Variants in NKX6-1 observed in about 807,000 individuals in gnomAD.
NKX6-1 encodes homeobox protein Nkx-6.1.
In NKX6-1, 11 loss-of-function variants were observed where a neutral mutation model predicts 24.9. The ratio of observed to expected loss-of-function variants is 0.44; its 90% CI spans 0.28 to 0.73. NKX6-1 has a LOEUF of 0.73. NKX6-1 is among the 30% of genes least tolerant of loss of function. The probability of loss-of-function intolerance (pLI) is 0.15; values close to 1 mark genes in which losing one functional copy is unlikely to be tolerated. For missense variants in NKX6-1, 487 were observed against 502.9 expected (o/e 0.97, Z 0.30); for synonymous variants, 277 against 242.9 (o/e 1.14, Z -1.31).
rs1720840320 is a variant in NKX6-1 at position 84,497,337 on chromosome 4, TAGAG to T, written c.670+218_670+221del. On this transcript the variant is annotated intron_variant, in intron 1 of 2. Transcript: ENST00000295886. The surrounding 1 kb of genome is among the most constrained non-coding windows in gnomAD (Gnocchi z 4.8). ...GCTCAGCCCAGGCGTACTCAAGACTTAGAGAGAGGGAGGCGCTTGGATACAGCCA... is the reference window on the plus strand; with the variant it reads ...GCTCAGCCCAGGCGTACTCAAGACTTAGAGGGAGGCGCTTGGATACAGCCA... Among the ~76,000 whole-genome samples the T allele has an allele frequency of 6.6e-6, 1 of 151,974 alleles. No homozygotes were observed. Among genetic ancestry groups the T allele is most frequent in the African/African-American group, 2.4e-5 (1 of 41,448 alleles).
intron 2 of NKX6-1, among the ~76,000 whole-genome samples, chr4:84,494,259 T>C (rs1720779440): frequency 6.6e-6 from 1 of 151,786 alleles, no homozygotes; most frequent in African/African-American, 2.4e-5. Flanking sequence ...AAGTGAAGAC[T>C]AGAATTACCA....
rs752409073 is a variant in NKX6-1, at chr4:84,493,535, G to A, written c.858C>T (p.Asn286=). The A allele has an allele frequency of 6.8e-6, 11 of 1,614,076 alleles. No homozygotes were observed. The highest frequency in any genetic ancestry group is 8.5e-6 in the Non-Finnish European group (10 of 1,180,046). The change falls in exon 3 of 3, where the codon AAC becomes AAT. Residue 286 remains asparagine, a synonymous_variant. Coordinates refer to ENST00000295886, the MANE Select transcript of NKX6-1 (RefSeq NM_006168.3). This position sits in a 1 kb window ranked among gnomAD's most constrained non-coding sequence, Gnocchi z 5.1. ...GCTTCTTCCTCCACTTGGTCCGGCG[G>A]TTCTGGAACCAGACCTGAGGGCGGA... ...TESQVKVWFQ[N]RRTKWRKKHA... is the part of the protein sequence containing the mutation.
rs956618003 is a variant in NKX6-1, at chr4:84,497,269, C to A, written c.670+290G>T. Reference sequence around the variant, plus strand: ...CAGCCAGGGCCTCGGACGAGACACACGTCCCTCACCGCGTTGTGGTCCACA... The same window carrying A: ...CAGCCAGGGCCTCGGACGAGACACAAGTCCCTCACCGCGTTGTGGTCCACA... On this transcript the variant is annotated intron_variant, in intron 1 of 2. Coordinates refer to ENST00000295886, the MANE Select transcript of NKX6-1 (RefSeq NM_006168.3). The surrounding 1 kb of genome is among the most constrained non-coding windows in gnomAD (Gnocchi z 4.8). 6.6e-6 allele frequency among the ~76,000 whole-genome samples: 1 copy of A among 152,116 alleles called. No individual in the cohort carries two copies. The highest frequency in any genetic ancestry group is 1.5e-5 in the Non-Finnish European group (1 of 68,024).
At position 84,498,641 on chromosome 4, in the gene NKX6-1, C is replaced by T. The variant is rs1364984269; in HGVS notation, c.-413G>A. ...GGAGAGTTTGTAGCAAAGTTAGTTG[C>T]CGAATCTCCACTTTGAAGTTGGAGG... On this transcript the variant is annotated 5_prime_UTR_variant, in exon 1 of 3. Transcript: ENST00000295886. Among the ~76,000 whole-genome samples the T allele has an allele frequency of 6.6e-6, 1 of 152,210 alleles. No individual in the cohort carries two copies. Among genetic ancestry groups the T allele is most frequent in the Non-Finnish European group, 1.5e-5 (1 of 68,038 alleles).
In NKX6-1 at chr4:84,499,087, C is replaced by T. The variant is rs1308994718; in HGVS notation, c.-859G>A. On this transcript the variant is annotated 5_prime_UTR_variant, in exon 1 of 3. Coordinates refer to ENST00000295886, the MANE Select transcript of NKX6-1 (RefSeq NM_006168.3). ...CCACTTCTGCAAACGGGCCCGGCGA[C>T]CCCCGCCCCACCCCCGCTCCCTCTC... Among the ~76,000 whole-genome samples, 2 of 152,178 alleles carry T rather than the reference C, an allele frequency of 1.3e-5. No individual in the cohort carries two copies. The highest frequency in any genetic ancestry group is 2.4e-5 in the African/African-American group (1 of 41,452).
chr4:84,497,408 G>T lies in NKX6-1; in HGVS notation c.670+151C>A. On this transcript the variant is annotated intron_variant, in intron 1 of 2. Transcript: ENST00000295886. The surrounding 1 kb of genome is among the most constrained non-coding windows in gnomAD (Gnocchi z 4.8). ...CGAGAATCCCTTTCTGGAAGCCCTG[G>T]CCCAACCTAACTGGTGTGATTCCGG... The T allele has an allele frequency of 2.7e-6, 3 of 1,116,510 alleles. No homozygotes were observed. Among genetic ancestry groups the T allele is most frequent in the Non-Finnish European group, 2.3e-6 (2 of 877,160 alleles). 69.2% of individuals were successfully genotyped at this position (1,116,510 alleles called of 1,614,324 possible).
At chr4:84,494,218 C>T (rs1720779029) in intron 2 of NKX6-1, among the ~76,000 whole-genome samples, 1 of 148,216 alleles carries the variant, frequency 6.7e-6, no homozygotes, top group South Asian at 2.2e-4. Flanking sequence ...AACTTCAAAT[C>T]GCCTTTAATG....
Position 84,497,441 on chromosome 4 carries a change from AAAC to A in NKX6-1, c.670+115_670+117del. 1.2e-5 allele frequency: 15 copies of A among 1,234,292 alleles called. 1 individual carries two copies. The highest frequency in any genetic ancestry group is 1.4e-5 in the Non-Finnish European group (14 of 978,916). The allele number at this position is 1,234,292 out of a possible 1,614,324, so 76.5% of individuals were successfully genotyped here. On this transcript the variant is annotated intron_variant, in intron 1 of 2. Transcript: ENST00000295886. The surrounding 1 kb of genome is among the most constrained non-coding windows in gnomAD (Gnocchi z 4.8). Reference sequence around the variant, plus strand: ...TAACTGGTGTGATTCCGGCGCTGTCAAACTACTGGGGCGGGCCACAGGATGGAC... The same window carrying A: ...TAACTGGTGTGATTCCGGCGCTGTCATACTGGGGCGGGCCACAGGATGGAC...
rs1379725603 is a variant in NKX6-1, at chr4:84,492,817, G to A, written c.*472C>T. On this transcript the variant is annotated 3_prime_UTR_variant, in exon 3 of 3. Transcript: ENST00000295886. Reference sequence around the variant, plus strand: ...AGTTGCACAGCAGTGTGTGGGGGGGGAAACGTCCCTCTTCCCATCTGTGGC... The same window carrying A: ...AGTTGCACAGCAGTGTGTGGGGGGGAAAACGTCCCTCTTCCCATCTGTGGC... The A allele has an allele frequency of 2.0e-5, 3 of 153,616 alleles. No homozygotes were observed. The highest frequency in any genetic ancestry group is 4.3e-5 in the Non-Finnish European group (3 of 69,108). The allele number at this position is 153,616 out of a possible 1,614,324, so 9.5% of individuals were successfully genotyped here.
Position 84,493,255 on chromosome 4 carries a change from G to A in NKX6-1, c.*34C>T. 1 of 1,531,746 alleles carries A rather than the reference G, an allele frequency of 6.5e-7. No individual in the cohort carries two copies. The highest frequency in any genetic ancestry group is 8.7e-7 in the Non-Finnish European group (1 of 1,149,278). The allele number at this position is 1,531,746 out of a possible 1,614,324, so 94.9% of individuals were successfully genotyped here. ...GCCCCTCGCGGCCCCAGAGGTGGAGGCCGGAGCCGGGAAGGTGCGGCGGGC... is the reference window on the plus strand; with the variant it reads ...GCCCCTCGCGGCCCCAGAGGTGGAGACCGGAGCCGGGAAGGTGCGGCGGGC... On this transcript the variant is annotated 3_prime_UTR_variant, in exon 3 of 3. Transcript: ENST00000295886. This position sits in a 1 kb window ranked among gnomAD's most constrained non-coding sequence, Gnocchi z 5.1.
At chr4:84,496,660 G>A (rs1451472165) in intron 1 of NKX6-1, 1 of 152,312 alleles carries the variant, frequency 6.6e-6, no homozygotes, top group Non-Finnish European at 1.5e-5. Context: ...GAGCCTCCGC[G>A]GCGCTGCGGC....
chr4:84,495,878 A>G, intron 1 of NKX6-1, 34 bp from the exon 2 acceptor site: 1 of 1,609,160 alleles, frequency 6.2e-7, no homozygotes, highest in Non-Finnish European at 8.5e-7. Context: ...GAGAGGGGGA[A>G]AAACAATCGG....
intron 1 of NKX6-1, 52 bp from the exon 2 acceptor site, chr4:84,495,896 C>A (rs992925940): frequency 7.6e-6 from 12 of 1,579,788 alleles, no homozygotes; most frequent in African/African-American, 1.4e-5. Context: ...CGGTTACAAG[C>A]GGCTGCACTA....
Position 84,493,427 on chromosome 4 carries a change from C to T in NKX6-1, c.966G>A (p.Glu322=), listed in dbSNP as rs746242286. 2.5e-6 allele frequency: 4 copies of T among 1,614,270 alleles called. No homozygotes were observed. Among genetic ancestry groups the T allele is most frequent in the African/African-American group, 2.7e-5 (2 of 75,078 alleles). ...RLKGASENEE[E]DDDYNKPLDP... is the part of the protein sequence containing the mutation. ...CCAGAGGCTTATTGTAGTCGTCGTCCTCTTCCTCGTTCTCCGAGGCCCCCT... is the reference window on the plus strand; with the variant it reads ...CCAGAGGCTTATTGTAGTCGTCGTCTTCTTCCTCGTTCTCCGAGGCCCCCT... Residue 322 remains glutamate, a synonymous_variant, in exon 3 of 3, where the codon GAG becomes GAA. Coordinates refer to ENST00000295886, the MANE Select transcript of NKX6-1 (RefSeq NM_006168.3). This position sits in a 1 kb window ranked among gnomAD's most constrained non-coding sequence, Gnocchi z 5.1.
In NKX6-1 at chr4:84,492,875, T is replaced by A. The variant is rs72959333; in HGVS notation, c.*414A>T. The A allele has an allele frequency of 0.075, 11,557 of 154,728 alleles. 888 individuals carry two copies. The highest frequency in any genetic ancestry group is 0.19 in the African/African-American group (7,970 of 41,636). The allele number at this position is 154,728 out of a possible 1,614,324, so 9.6% of individuals were successfully genotyped here. On this transcript the variant is annotated 3_prime_UTR_variant, in exon 3 of 3. Coordinates refer to ENST00000295886, the MANE Select transcript of NKX6-1 (RefSeq NM_006168.3). The stretch of plus-strand genomic sequence containing the variant: ...GCCCGCTTCGCTCCGAGGTCCCCCA[T>A]GCGGTGAGCGTGAACCCTTCCACAG...
At chr4:84,495,614 T>C in intron 2 of NKX6-1, 58 bp downstream of exon 2, 1 of 1,450,200 alleles carries the variant, frequency 6.9e-7, no homozygotes, top group Non-Finnish European at 9.6e-7. Context: ...TGCCCATGTG[T>C]GCACGCGCGC....
intron 2 of NKX6-1, among the ~76,000 whole-genome samples, chr4:84,495,427 A>G (rs1388990389): frequency 6.6e-6 from 1 of 152,196 alleles, no homozygotes; most frequent in Non-Finnish European, 1.5e-5. Context: ...AGATTAACCT[A>G]ATTTCAAAGG....
In NKX6-1 at chr4:84,498,391, G is replaced by T; in HGVS notation, c.-163C>A. 2 of 690,654 alleles carry T rather than the reference G, an allele frequency of 2.9e-6. No homozygotes were observed. The highest frequency in any genetic ancestry group is 4.0e-6 in the Non-Finnish European group (2 of 493,898). 42.8% of individuals were successfully genotyped at this position (690,654 alleles called of 1,614,324 possible). ...ACCAAAAATGCCGCTGCCGGGAGTT[G>T]CTCGCCTAGCTGCGCAGCAGAGATG... is the stretch of plus-strand genomic sequence containing the variant. On this transcript the variant is annotated 5_prime_UTR_variant, in exon 1 of 3. Transcript: ENST00000295886.
chr4:84,497,838 C>A lies in NKX6-1; in HGVS notation c.391G>T (p.Ala131Ser), dbSNP rs767648084. Residue 131 changes from alanine to serine, a missense_variant, in exon 1 of 3, where the codon GCC (alanine) becomes TCC (serine). By Grantham distance (99) the Ala-to-Ser change is moderately conservative. This residue lies in a region of NKX6-1 where 316 missense variants were observed against 311.4 expected (regional missense o/e 1.01). Transcript: ENST00000295886. This position sits in a 1 kb window ranked among gnomAD's most constrained non-coding sequence, Gnocchi z 4.8. ...GCGGCAGAGGCGGAGGAGGCAGAGG[C>A]GGACGAGGAAGAGGAGGAGGAGGAA... ...SGSSSSSSSS[A>S]SASSASAAAA... 1 of 1,269,976 alleles carries A rather than the reference C, an allele frequency of 7.9e-7. No individual in the cohort carries two copies. The highest frequency in any genetic ancestry group is 3.0e-5 in the South Asian group (1 of 32,828). 78.7% of individuals were successfully genotyped at this position (1,269,976 alleles called of 1,614,324 possible). A position where few individuals can be genotyped will look rare whatever the true frequency, so the allele number is the denominator to read the frequency against.
Sources: allele counts gnomAD v4.1 joint callset (sites outside exome capture counted in the v4.1 genomes callset), GRCh38; gene constraint gnomAD v4.1.1; regional missense constraint gnomAD v4.1.1; non-coding constraint Gnocchi (gnomAD v3.1); transcripts MANE v1.5; gene names NCBI Gene and HGNC (gene_info 2026-07-23, HGNC 2026-07-21).